Variants in RAD54L observed in about 807,000 individuals in gnomAD.
The protein encoded by RAD54L is RAD54 like.
In RAD54L, 74 loss-of-function variants were observed where a neutral mutation model predicts 91.6. The observed-to-expected ratio is 0.81, with a 90% confidence interval of 0.67 to 0.98. The LOEUF (loss-of-function observed/expected upper bound fraction) is 0.98. Among genes scored for constraint, RAD54L ranks in the 50% least tolerant of loss-of-function variants. RAD54L has a pLI of 0.00. For synonymous variants in RAD54L, 304 were observed against 349.7 expected (o/e 0.87, Z 1.46); for missense variants, 887 against 945.7 (o/e 0.94, Z 0.81).
rs1440657635 is a variant in RAD54L at position 46,260,768 on chromosome 1, C to G, written c.519C>G (p.Ile173Met). ...GGGAGTGTGTCACCAGTCGGCGCAT[C>G]CCTGGCAGCCATGGCTGCATCATGG... ...FLWECVTSRR[I>M]PGSHGCIMAD... The change falls in exon 7 of 18, where the codon ATC becomes ATG. Residue 173 changes from isoleucine (I) to methionine (M), a missense_variant. Coordinates refer to ENST00000371975, the MANE Select transcript of RAD54L (RefSeq NM_003579.4). 1.9e-6 allele frequency: 3 copies of G among 1,614,192 alleles called. No homozygotes were observed. The South Asian group carries it at 3.3e-5, about 18-fold the overall frequency.
chr1:46,259,737 C>A (rs1012694823), intron 4 of RAD54L, among the ~76,000 whole-genome samples: 1 of 150,974 alleles, frequency 6.6e-6, no homozygotes, highest in African/African-American at 2.4e-5. Flanking sequence ...GATTGTGCCA[C>A]TGCACTCCAG....
chr1:46,270,239 G>A (rs761799093), intron 9 of RAD54L, among the ~76,000 whole-genome samples: 9 of 151,810 alleles, frequency 5.9e-5, no homozygotes, highest in Non-Finnish European at 8.8e-5. Context: ...ACGGAGAAGG[G>A]GTGCCTGTAA....
At chr1:46,267,685 G>C in intron 9 of RAD54L, 76 bp downstream of exon 9, 1 of 1,508,990 alleles carries the variant, frequency 6.6e-7, no homozygotes, top group East Asian at 2.3e-5. Flanking sequence ...CAGCTGAGGA[G>C]AGAAAGAAGA....
At chr1:46,260,137 CTG>C (rs1557701247) in intron 5 of RAD54L, 38 bp downstream of exon 5, 1 of 1,613,724 alleles carries the variant, frequency 6.2e-7, no homozygotes, top group Non-Finnish European at 8.5e-7. Flanking sequence ...TTTTGGTTCT[CTG>C]TATATGCACG....
At chr1:46,259,093 G>C (rs1660023267) in intron 4 of RAD54L, among the ~76,000 whole-genome samples, 1 of 152,048 alleles carries the variant, frequency 6.6e-6, no homozygotes, top group South Asian at 2.1e-4. Context: ...ATTCTATAAG[G>C]TTTTTCCCTG....
intron 16 of RAD54L, chr1:46,277,596 G>T: frequency 1.7e-6 from 1 of 597,746 alleles, no homozygotes; most frequent in African/African-American, 1.9e-5. Flanking sequence ...CATTAGTATA[G>T]AAAGTAGCCT....
Position 46,265,552 on chromosome 1 carries a change from G to T in RAD54L, c.892-1907G>T, listed in dbSNP as rs1660244525. ...ACCTCCCAAAGTGCTAGGATTACAG[G>T]CATGAGCCACCATGCCCCGTTGGTT... On this transcript the variant is annotated intron_variant, in intron 8 of 17. Transcript: ENST00000371975. This position sits in a 1 kb window ranked among gnomAD's most constrained non-coding sequence, Gnocchi z 4.8. Among the ~76,000 whole-genome samples the T allele has an allele frequency of 6.6e-6, 1 of 152,152 alleles. No individual in the cohort carries two copies. Among genetic ancestry groups the T allele is most frequent in the Admixed American group, 6.5e-5 (1 of 15,282 alleles).
At chr1:46,277,247 T>C (rs1013671498) in intron 16 of RAD54L, among the ~76,000 whole-genome samples, 1 of 152,228 alleles carries the variant, frequency 6.6e-6, no homozygotes, top group African/African-American at 2.4e-5. Flanking sequence ...CTTTGTGTCT[T>C]TTCTTACAAA....
At chr1:46,254,286 C>CT (rs146859919) in intron 3 of RAD54L, among the ~76,000 whole-genome samples, 153 of 145,288 alleles carry the variant, frequency 1.1e-3, no homozygotes, top group East Asian at 4.6e-3. Context: ...CTTTTTTTTT[C>CT]TTTTTTTTTT....
intron 3 of RAD54L, among the ~76,000 whole-genome samples, chr1:46,250,407 GTA>G (rs1297260626): frequency 6.6e-6 from 1 of 152,202 alleles, no homozygotes; most frequent in African/African-American, 2.4e-5. Flanking sequence ...CTCTGACTCT[GTA>G]TATGACTTTA....
At chr1:46,254,342 GC>G (rs1436238089) in intron 3 of RAD54L, among the ~76,000 whole-genome samples, 1 of 151,568 alleles carries the variant, frequency 6.6e-6, no homozygotes, top group Non-Finnish European at 1.5e-5. Flanking sequence ...AGTGCCTGGG[GC>G]CCACAAGAGT....
Position 46,248,120 on chromosome 1 carries a change from T to C in RAD54L, c.-286T>C, listed in dbSNP as rs1659698021. The C allele has an allele frequency of 8.8e-5, 36 of 409,798 alleles. 1 individual carries two copies. Among genetic ancestry groups the C allele is most frequent in the South Asian group, 7.2e-4 (35 of 48,824 alleles). The allele number at this position is 409,798 out of a possible 1,614,324, so 25.4% of individuals were successfully genotyped here. A position where few individuals can be genotyped will look rare whatever the true frequency, so the allele number is the denominator to read the frequency against. On this transcript the variant is annotated 5_prime_UTR_variant, in exon 1 of 18. Coordinates refer to ENST00000371975, the MANE Select transcript of RAD54L (RefSeq NM_003579.4). ...CACTCCACTCCGCCCAGTCTGGGAC[T>C]CCACCTGCCTCCTCCCCAATCCCAC...
In RAD54L at chr1:46,259,820, C is replaced by A. The variant is rs1362823316; in HGVS notation, c.272-144C>A. The stretch of plus-strand genomic sequence containing the variant: ...ATGGGATAATGGTCATATAGAGATG[C>A]CCAAACTGAGTTTGGAGGCATTCTC... On this transcript the variant is annotated intron_variant, in intron 4 of 17. Coordinates refer to ENST00000371975, the MANE Select transcript of RAD54L (RefSeq NM_003579.4). 2.8e-6 allele frequency: 3 copies of A among 1,068,834 alleles called. No homozygotes were observed. The African/African-American group carries it at 4.7e-5, about 17-fold the overall frequency. The allele number at this position is 1,068,834 out of a possible 1,614,324, so 66.2% of individuals were successfully genotyped here.
At chr1:46,248,483 C>T (rs1485328305) in intron 1 of RAD54L, 29 bp from the exon 2 acceptor site, 1 of 1,613,848 alleles carries the variant, frequency 6.2e-7, no homozygotes, top group East Asian at 2.2e-5. Flanking sequence ...AGGATCCTTG[C>T]AGGCACTGTT....
rs765982042 is a variant in RAD54L at position 46,267,625 on chromosome 1, T to C, written c.1042+16T>C. ...GGCATCCTAGGTAAGAATCTAGCCT[T>C]GTTTGCCACATCAGAGAGGAGCCCT... On this transcript the variant is annotated intron_variant, in intron 9 of 17. Coordinates refer to ENST00000371975, the MANE Select transcript of RAD54L (RefSeq NM_003579.4). The C allele has an allele frequency of 6.3e-7, 1 of 1,597,538 alleles. No homozygotes were observed. The highest frequency in any genetic ancestry group is 8.6e-7 in the Non-Finnish European group (1 of 1,165,116).
In RAD54L at chr1:46,260,557, C is replaced by G. The variant is rs778354255; in HGVS notation, c.423C>G (p.Val141=). ...GTTTTCTCAGGGAGAAACTCCCTGT[C>G]CATGTGGTTGTTGACCCTATTCTCA... ...QLKLDKEKLP[V]HVVVDPILSK... is the part of the protein sequence containing the mutation. The change falls in exon 6 of 18, where the codon GTC becomes GTG. Residue 141 remains valine (V), a synonymous_variant. Coordinates refer to ENST00000371975, the MANE Select transcript of RAD54L (RefSeq NM_003579.4). 2 of 1,614,040 alleles carry G rather than the reference C, an allele frequency of 1.2e-6. No individual in the cohort carries two copies. Among genetic ancestry groups the G allele is most frequent in the Non-Finnish European group, 1.7e-6 (2 of 1,179,948 alleles).
At chr1:46,250,450 T>C (rs997162237) in intron 3 of RAD54L, among the ~76,000 whole-genome samples, 6 of 152,322 alleles carry the variant, frequency 3.9e-5, no homozygotes, top group Non-Finnish European at 7.3e-5. Flanking sequence ...TTTCCTCTAG[T>C]AAAGTCAAAC....
At chr1:46,274,776 C>T in intron 16 of RAD54L, 59 bp downstream of exon 16, 1 of 1,597,512 alleles carries the variant, frequency 6.3e-7, no homozygotes, top group South Asian at 1.1e-5. Context: ...TCTTCAGGAC[C>T]ATCTTGTTCC....
In RAD54L at chr1:46,261,202, TTG is replaced by T. The variant is rs1351825683; in HGVS notation, c.767-57_767-56del. On this transcript the variant is annotated intron_variant, in intron 7 of 17. Transcript: ENST00000371975. ...TTAAAGAACTGTCTAATTGTTTTTT[TTG>T]TTTTTTTTTTTTTCAAAAGATTCTG... 4.6e-4 allele frequency: 730 copies of T among 1,594,086 alleles called. 14 individuals are homozygous for T. The African/African-American group carries it at 8.7e-3, about 19-fold the overall frequency.
Sources: gnomAD v4.1 joint callset for allele counts (sites outside exome capture counted in the v4.1 genomes callset) on GRCh38, gnomAD v4.1.1 for gene constraint, Gnocchi (gnomAD v3.1) non-coding constraint, MANE v1.5 for transcripts, NCBI Gene and HGNC (gene_info 2026-07-23, HGNC 2026-07-21) for gene names.